Variants in SAXO2 observed in about 807,000 individuals in gnomAD.
SAXO2 encodes family with sequence similarity 154, member B.
In SAXO2, 17 loss-of-function variants were observed where a neutral mutation model predicts 18.7. The observed-to-expected ratio is 0.91, with a 90% CI of 0.62 to 1.36. The LOEUF (loss-of-function observed/expected upper bound fraction) is 1.36, where lower values mean the gene tolerates loss of function less well. Ranked by LOEUF, SAXO2 falls within the 40% of genes most tolerant of loss-of-function variation. The pLI is 0.00. For synonymous variants in SAXO2, 163 were observed against 181.2 expected (o/e 0.90, Z 0.81); for missense variants, 486 against 562.6 (o/e 0.86, Z 1.38).
intron 3 of SAXO2, among the ~76,000 whole-genome samples, chr15:82,281,013 CATA>C (rs2075358125): frequency 1.3e-5 from 2 of 152,152 alleles, no homozygotes; most frequent in African/African-American, 2.4e-5. Context: ...AAGATATCCA[CATA>C]ATAAGTTTTC....
chr15:82,262,953 C>T, intron 1 of SAXO2, 21 bp downstream of exon 1: 1 of 1,588,562 alleles, frequency 6.3e-7, no homozygotes, highest in Non-Finnish European at 8.6e-7. Context: ...GCTGGTGTAG[C>T]GGCGGGCCCG....
chr15:82,262,835 T>A lies in SAXO2; in HGVS notation c.-45T>A, dbSNP rs2075145110. ...GTTGCCTTGACTACGGCGGGCGCTGTGGGAGTGGAGAAGCTGCAAGTGCTG... is the reference window on the plus strand; with the variant it reads ...GTTGCCTTGACTACGGCGGGCGCTGAGGGAGTGGAGAAGCTGCAAGTGCTG... On this transcript the variant is annotated 5_prime_UTR_variant, in exon 1 of 4. Transcript: ENST00000682753. 1 of 1,550,894 alleles carries A rather than the reference T, an allele frequency of 6.4e-7. No individual in the cohort carries two copies. The highest frequency in any genetic ancestry group is 8.7e-7 in the Non-Finnish European group (1 of 1,147,118).
chr15:82,272,337 T>C (rs1567091027), intron 3 of SAXO2, among the ~76,000 whole-genome samples: 1 of 152,228 alleles, frequency 6.6e-6, no homozygotes, highest in Non-Finnish European at 1.5e-5. Context: ...AGACGCTTCC[T>C]GATACTGAAC....
At chr15:82,267,936 A>C (rs1255835206) in intron 2 of SAXO2, among the ~76,000 whole-genome samples, 1 of 152,208 alleles carries the variant, frequency 6.6e-6, no homozygotes, top group Non-Finnish European at 1.5e-5. Flanking sequence ...GTTGCCACTG[A>C]TTGAGTGCAG....
intron 1 of SAXO2, among the ~76,000 whole-genome samples, chr15:82,264,135 A>G (rs2075181458): frequency 6.8e-6 from 1 of 146,378 alleles, no homozygotes; most frequent in South Asian, 2.1e-4. Context: ...CAGTGGCGCA[A>G]TCTCGGCTCA....
At chr15:82,276,806 G>T (rs1280467838) in intron 3 of SAXO2, among the ~76,000 whole-genome samples, 1 of 152,032 alleles carries the variant, frequency 6.6e-6, no homozygotes, top group Non-Finnish European at 1.5e-5. Flanking sequence ...AAAAAGCTGA[G>T]ATACCTTCTA....
intron 3 of SAXO2, among the ~76,000 whole-genome samples, chr15:82,278,060 TAC>T (rs2075330799): frequency 6.6e-6 from 1 of 151,986 alleles, no homozygotes; most frequent in Middle Eastern, 3.4e-3. Context: ...GCCTCTAACC[TAC>T]AGAGCAAAAG....
At chr15:82,271,552 A>T (rs1382500617) in intron 2 of SAXO2, 51 bp from the exon 3 acceptor site, 1 of 1,429,274 alleles carries the variant, frequency 7.0e-7, no homozygotes, top group Admixed American at 2.4e-5. Flanking sequence ...CATTGAAATA[A>T]TTAGGAATAA....
Position 82,284,155 on chromosome 15 carries a change from T to C in SAXO2, c.*1093T>C, listed in dbSNP as rs111286202. 4 of 152,348 alleles carry C rather than the reference T, an allele frequency of 2.6e-5. No individual in the cohort carries two copies. Among genetic ancestry groups the C allele is most frequent in the African/African-American group, 9.6e-5 (4 of 41,576 alleles). 9.4% of individuals were successfully genotyped at this position (152,348 alleles called of 1,614,324 possible). A position where few individuals can be genotyped will look rare whatever the true frequency, so the allele number is the denominator to read the frequency against. On this transcript the variant is annotated 3_prime_UTR_variant, in exon 4 of 4. Coordinates refer to ENST00000682753, the MANE Select transcript of SAXO2 (RefSeq NM_001348699.2). ...AAATGTGGAGGATTTTTTTTTAAAA[T>C]TGCTCAATCTCTTTTTGTACTTGTT...
intron 3 of SAXO2, among the ~76,000 whole-genome samples, chr15:82,277,285 T>C (rs961776045): frequency 1.3e-5 from 2 of 152,160 alleles, no homozygotes; most frequent in Non-Finnish European, 2.9e-5. Context: ...AGCTAGATCA[T>C]TGCATTAAGT....
chr15:82,274,558 C>T (rs949080211), intron 3 of SAXO2, among the ~76,000 whole-genome samples: 1 of 151,786 alleles, frequency 6.6e-6, no homozygotes. Flanking sequence ...AAAACATTAG[C>T]TAGGCATGAT....
At chr15:82,267,894 C>G (rs1029844947) in intron 2 of SAXO2, among the ~76,000 whole-genome samples, 1 of 152,156 alleles carries the variant, frequency 6.6e-6, no homozygotes, top group African/African-American at 2.4e-5. Context: ...TCTCAGGAAA[C>G]TGCATTTTTA....
intron 3 of SAXO2, among the ~76,000 whole-genome samples, chr15:82,274,701 C>CAA (rs1167527496): frequency 6.3e-5 from 5 of 78,974 alleles, no homozygotes; most frequent in African/African-American, 2.2e-4. Context: ...GACTCTGTCT[C>CAA]AAAAAAAAAA....
At chr15:82,270,547 TAGA>T (rs1567089865) in intron 2 of SAXO2, among the ~76,000 whole-genome samples, 2 of 152,310 alleles carry the variant, frequency 1.3e-5, no homozygotes, top group African/African-American at 4.8e-5. Flanking sequence ...ATGTTGTGAA[TAGA>T]AGAATTCAGT....
Position 82,263,209 on chromosome 15 carries a change from C to A in SAXO2, c.53+277C>A, listed in dbSNP as rs1303194926. On this transcript the variant is annotated intron_variant, in intron 1 of 3. Transcript: ENST00000682753. ...GCCAGGTAAGTAATATATGTGAAGCCGCGACGGGATATAACGCTGGTGAGT... is the reference window on the plus strand; with the variant it reads ...GCCAGGTAAGTAATATATGTGAAGCAGCGACGGGATATAACGCTGGTGAGT... The A allele has an allele frequency of 5.6e-5, 81 of 1,455,926 alleles. 2 individuals carry two copies. The South Asian group carries it at 9.5e-4, about 17-fold the overall frequency. The allele number at this position is 1,455,926 out of a possible 1,614,324, so 90.2% of individuals were successfully genotyped here.
chr15:82,282,599 TGCTGTTAAACA>T lies in SAXO2; in HGVS notation c.917_927del (p.Leu306HisfsTer5). 2 of 1,614,226 alleles carry T rather than the reference TGCTGTTAAACA, an allele frequency of 1.2e-6. No homozygotes were observed. Among genetic ancestry groups the T allele is most frequent in the Non-Finnish European group, 1.7e-6 (2 of 1,180,036 alleles). On this transcript the variant is annotated frameshift_variant, in exon 4 of 4. Transcript: ENST00000682753. LOFTEE classifies it high-confidence loss of function. ...GAGTATGTGCCTCCTACAGGTAGCA[TGCTGTTAAACA>T]GCACAAGCCATCTTGACTATGTTCC...
rs575245525 is a variant in SAXO2, at chr15:82,276,871, G to A, written c.433+5069G>A. On this transcript the variant is annotated intron_variant, in intron 3 of 3. Coordinates refer to ENST00000682753, the MANE Select transcript of SAXO2 (RefSeq NM_001348699.2). ...AAAAGGAAACTTATTCCAGATAGAA[G>A]CATGAAATGCAGGAAGGGATGAAGC... Among the ~76,000 whole-genome samples, 5 of 152,262 alleles carry A rather than the reference G, an allele frequency of 3.3e-5. 1 individual carries two copies. The South Asian group carries it at 8.3e-4, about 25-fold the overall frequency.
At chr15:82,278,161 A>G (rs548414619) in intron 3 of SAXO2, among the ~76,000 whole-genome samples, 1 of 152,344 alleles carries the variant, frequency 6.6e-6, no homozygotes, top group African/African-American at 2.4e-5. Flanking sequence ...CAAAGGAAAA[A>G]CAAGAAGAAG....
chr15:82,280,566 G>A (rs950948257), intron 3 of SAXO2, among the ~76,000 whole-genome samples: 2 of 152,070 alleles, frequency 1.3e-5, no homozygotes, highest in African/African-American at 4.8e-5. Flanking sequence ...CAGGGAGCTT[G>A]AAGGAAGAGC....
Sources: allele counts gnomAD v4.1 joint callset (sites outside exome capture counted in the v4.1 genomes callset), GRCh38; gene constraint gnomAD v4.1.1; transcripts MANE v1.5; gene names NCBI Gene and HGNC (gene_info 2026-07-23, HGNC 2026-07-21).